SEC62: variants seen among roughly 807,000 people sequenced by gnomAD.
SEC62 encodes the protein SEC62 preprotein translocation factor.
In SEC62, 10 loss-of-function variants were observed where a neutral mutation model predicts 47.5. The ratio of observed to expected loss-of-function variants is 0.21; its 90% CI spans 0.13 to 0.36. The LOEUF is 0.36. SEC62 is among the 10% of genes least tolerant of loss of function. The pLI is 1.00. For missense variants in SEC62, 327 were observed against 464.1 expected (o/e 0.70, Z 2.71); for synonymous variants, 136 against 150.5 (o/e 0.90, Z 0.71).
At chr3:169,968,639 G>A (rs1340085610) in intron 1 of SEC62, 4 of 152,094 alleles carry the variant, frequency 2.6e-5, no homozygotes, top group African/African-American at 4.8e-5. Flanking sequence ...TTGGCACGCA[G>A]CCCCTCCCTT....
rs892724143 is a variant in SEC62, at chr3:169,975,102, G to A, written c.37-506G>A. Among the ~76,000 whole-genome samples, 11 of 152,144 alleles carry A rather than the reference G, an allele frequency of 7.2e-5. No homozygotes were observed. The South Asian group carries it at 1.0e-3, about 14-fold the overall frequency. On this transcript the variant is annotated intron_variant, in intron 1 of 7. Coordinates refer to ENST00000337002, the MANE Select transcript of SEC62 (RefSeq NM_003262.4). The stretch of plus-strand genomic sequence containing the variant: ...TCAAGACCACCCTAGCCAACGTGGC[G>A]AAACCCTGTCTCTACTAAAAATACA...
chr3:169,971,475 T>C (rs538799153), intron 1 of SEC62, among the ~76,000 whole-genome samples: 22 of 152,322 alleles, frequency 1.4e-4, no homozygotes, highest in African/African-American at 5.3e-4. Context: ...TATGGATAAG[T>C]TATTATAAGT....
At chr3:169,984,876 A>G (rs1715063709) in intron 5 of SEC62, among the ~76,000 whole-genome samples, 1 of 152,176 alleles carries the variant, frequency 6.6e-6, no homozygotes, top group Non-Finnish European at 1.5e-5. Context: ...TTATGGATGA[A>G]TGATCAAACA....
chr3:169,987,935 A>G (rs1715146455), intron 6 of SEC62, among the ~76,000 whole-genome samples: 1 of 152,236 alleles, frequency 6.6e-6, no homozygotes, highest in African/African-American at 2.4e-5. Context: ...TAAAGTAGAT[A>G]TAGCTTGAAA....
chr3:169,975,536 T>C (rs1303453137), intron 1 of SEC62, 72 bp from the exon 2 acceptor site: 5 of 987,004 alleles, frequency 5.1e-6, no homozygotes, highest in Non-Finnish European at 7.8e-6. Flanking sequence ...TAAAATAGAT[T>C]TGTAAATTAT....
In SEC62 at chr3:169,992,970, G is replaced by C; in HGVS notation, c.1107G>C (p.Glu369Asp). 6.2e-7 allele frequency: 1 copy of C among 1,613,888 alleles called. No homozygotes were observed. The highest frequency in any genetic ancestry group is 8.5e-7 in the Non-Finnish European group (1 of 1,179,902). Reference protein sequence around the residue: ...NGNDFEMITKEELEQQTDGDC... With the variant: ...NGNDFEMITKDELEQQTDGDC... ...ATGATTTTGAAATGATAACAAAAGAGGAACTGGAACAGCAAACAGATGGGG... is the reference window on the plus strand; with the variant it reads ...ATGATTTTGAAATGATAACAAAAGACGAACTGGAACAGCAAACAGATGGGG... Residue 369 changes from glutamate to aspartate, a missense_variant, in exon 8 of 8, where the codon GAG (glutamate) becomes GAC (aspartate). By Grantham distance (45) the Glu-to-Asp change is conservative. Transcript: ENST00000337002. This position sits in a 1 kb window ranked among gnomAD's most constrained non-coding sequence, Gnocchi z 4.0.
intron 5 of SEC62, 69 bp from the exon 6 acceptor site, chr3:169,985,736 T>C (rs370638895): frequency 5.6e-6 from 7 of 1,254,604 alleles, no homozygotes; most frequent in African/African-American, 4.5e-5. Context: ...ACCTAAAATA[T>C]AGAATTAAGC....
chr3:169,975,557 A>C (rs1424372777), intron 1 of SEC62, 51 bp from the exon 2 acceptor site: 1 of 1,140,172 alleles, frequency 8.8e-7, no homozygotes, highest in African/African-American at 1.6e-5. Context: ...TATTCAGCGC[A>C]TGAATTTCTC....
At chr3:169,987,649 A>G (rs1715140540) in intron 6 of SEC62, among the ~76,000 whole-genome samples, 1 of 152,192 alleles carries the variant, frequency 6.6e-6, no homozygotes, top group South Asian at 2.1e-4. Flanking sequence ...TAAAGACCTA[A>G]TAACCAGGCT....
In SEC62 at chr3:169,975,626, AAAG is replaced by A; in HGVS notation, c.60_62del (p.Glu21del). 2 of 1,612,864 alleles carry A rather than the reference AAAG, an allele frequency of 1.2e-6. No homozygotes were observed. Among genetic ancestry groups the A allele is most frequent in the Non-Finnish European group, 1.7e-6 (2 of 1,178,966 alleles). ...GTTGCAGGAAGTTGGTGAACCATCT[AAAG>A]AAGAGAAGGCTGTGGCCAAGTATCT... is the stretch of plus-strand genomic sequence containing the variant. On this transcript the variant is annotated inframe_deletion, in exon 2 of 8. Coordinates refer to ENST00000337002, the MANE Select transcript of SEC62 (RefSeq NM_003262.4).
chr3:169,974,618 A>G (rs865897470), intron 1 of SEC62, among the ~76,000 whole-genome samples: 35 of 152,366 alleles, frequency 2.3e-4, no homozygotes, highest in African/African-American at 7.5e-4. Flanking sequence ...GTGCACTTCC[A>G]TTAATCACCT....
At chr3:169,971,592 C>G (rs114081959) in intron 1 of SEC62, among the ~76,000 whole-genome samples, 1 of 152,142 alleles carries the variant, frequency 6.6e-6, no homozygotes, top group Admixed American at 6.5e-5. Flanking sequence ...CTTTCATTGC[C>G]TCTTGATAGT....
chr3:169,970,221 CTT>C (rs1175503439), intron 1 of SEC62, among the ~76,000 whole-genome samples: 1 of 152,196 alleles, frequency 6.6e-6, no homozygotes, highest in Non-Finnish European at 1.5e-5. Context: ...TCTAGATACT[CTT>C]GTATAGTGTT....
chr3:169,991,366 G>A (rs1715244060), intron 7 of SEC62, among the ~76,000 whole-genome samples: 1 of 152,090 alleles, frequency 6.6e-6, no homozygotes, highest in African/African-American at 2.4e-5. Context: ...AGACTGGCCT[G>A]GACAACATAG....
At chr3:169,967,768 C>A (rs775192631) in intron 1 of SEC62, among the ~76,000 whole-genome samples, 15 of 152,286 alleles carry the variant, frequency 9.8e-5, no homozygotes, top group Non-Finnish European at 7.4e-5. Flanking sequence ...TCAAATTGAT[C>A]ACATGTAGTA....
chr3:169,978,147 C>G (rs1214648900), intron 3 of SEC62, among the ~76,000 whole-genome samples: 1 of 151,910 alleles, frequency 6.6e-6, no homozygotes, highest in Non-Finnish European at 1.5e-5. Flanking sequence ...GGTGTGGTGG[C>G]GGGCACCTAT....
intron 3 of SEC62, among the ~76,000 whole-genome samples, chr3:169,979,388 A>G (rs761817283): frequency 6.6e-6 from 1 of 152,174 alleles, no homozygotes; most frequent in Non-Finnish European, 1.5e-5. Flanking sequence ...GTCTGAGGAA[A>G]AACAAAATAG....
intron 3 of SEC62, among the ~76,000 whole-genome samples, chr3:169,980,817 A>C (rs547997154): frequency 2.6e-5 from 4 of 152,226 alleles, no homozygotes; most frequent in African/African-American, 7.2e-5. Context: ...GTACACATGT[A>C]CTCTTAATAT....
chr3:169,989,457 T>C (rs913034153), intron 7 of SEC62, among the ~76,000 whole-genome samples: 1 of 149,810 alleles, frequency 6.7e-6, no homozygotes. Flanking sequence ...GGCACATTTG[T>C]AGGCCAAGAA....
Sources: allele counts gnomAD v4.1 joint callset (sites outside exome capture counted in the v4.1 genomes callset), GRCh38; gene constraint gnomAD v4.1.1; non-coding constraint Gnocchi (gnomAD v3.1); transcripts MANE v1.5; gene names NCBI Gene and HGNC (gene_info 2026-07-23, HGNC 2026-07-21).